The following RRM1 variants were observed in gnomAD, a reference collection of about 807,000 sequenced individuals.
RRM1 encodes ribonucleoside-diphosphate reductase large subunit.
Under a neutral mutation model 101.5 loss-of-function variants are expected in RRM1, and 19 were observed. The observed-to-expected ratio is 0.19, with a 90% CI of 0.13 to 0.27. The LOEUF (loss-of-function observed/expected upper bound fraction) is 0.27. Among genes scored for constraint, RRM1 ranks in the 10% least tolerant of loss-of-function variants. The pLI is 1.00. For synonymous variants in RRM1, 298 were observed against 323.4 expected, an observed-to-expected ratio of 0.92 and a Z score of 0.84; for missense variants, 500 against 962.9, an observed-to-expected ratio of 0.52 and a Z score of 6.36.
At chr11:4,118,541 A>AT in intron 8 of RRM1, 80 bp downstream of exon 8, 1 of 1,486,324 alleles carries the variant, frequency 6.7e-7, no homozygotes, top group Non-Finnish European at 9.2e-7. Context: ...GGCATATGCT[A>AT]TTTTTTGGGA....
chr11:4,112,135 A>G, intron 7 of RRM1, 73 bp downstream of exon 7: 1 of 1,191,194 alleles, frequency 8.4e-7, no homozygotes, highest in Non-Finnish European at 1.2e-6. Context: ...ATAAAAAATA[A>G]TTTAATGACC....
chr11:4,136,282 C>T (rs547860013), intron 18 of RRM1, among the ~76,000 whole-genome samples: 18 of 151,896 alleles, frequency 1.2e-4, no homozygotes, highest in African/African-American at 2.4e-4. Context: ...AGTACAGCGG[C>T]ATGATCTTGG....
chr11:4,096,202 A>T (rs748450934), intron 1 of RRM1, among the ~76,000 whole-genome samples: 1 of 152,124 alleles, frequency 6.6e-6, no homozygotes, highest in Non-Finnish European at 1.5e-5. Flanking sequence ...ATTTTTAAAA[A>T]TTTCTGGTAG....
At chr11:4,110,505 C>G (rs555472900) in intron 5 of RRM1, among the ~76,000 whole-genome samples, 1 of 152,162 alleles carries the variant, frequency 6.6e-6, no homozygotes, top group South Asian at 2.1e-4. Flanking sequence ...TGGTGGCTTA[C>G]GCCTGTAATC....
chr11:4,134,821 A>G (rs2133325433), intron 17 of RRM1, among the ~76,000 whole-genome samples: 1 of 152,308 alleles, frequency 6.6e-6, no homozygotes, highest in East Asian at 1.9e-4. Context: ...TAAAAAATTA[A>G]AAAATTGGTT....
intron 4 of RRM1, among the ~76,000 whole-genome samples, chr11:4,109,111 C>G (rs2133294331): frequency 6.6e-6 from 1 of 152,184 alleles, no homozygotes; most frequent in South Asian, 2.1e-4. Context: ...TGTTAAAGGA[C>G]TATAGATTTT....
In RRM1 at chr11:4,109,721, A is replaced by G; in HGVS notation, c.447+18A>G. On this transcript the variant is annotated intron_variant, in intron 5 of 18. Coordinates refer to ENST00000300738, the MANE Select transcript of RRM1 (RefSeq NM_001033.5). ...GCTTTAAGGTAAATAATGGGTTTCAAGTATGTGGGAATTTATACTTAAATC... is the reference window on the plus strand; with the variant it reads ...GCTTTAAGGTAAATAATGGGTTTCAGGTATGTGGGAATTTATACTTAAATC... The G allele has an allele frequency of 6.4e-7, 1 of 1,559,764 alleles. No homozygotes were observed. Among genetic ancestry groups the G allele is most frequent in the South Asian group, 1.2e-5 (1 of 85,630 alleles).
chr11:4,111,529 T>C, intron 5 of RRM1, 72 bp from the exon 6 acceptor site: 1 of 954,728 alleles, frequency 1.0e-6, no homozygotes. Context: ...GATTGCCTTA[T>C]TGTGGATGAT....
At chr11:4,095,554 A>T (rs1319608443) in intron 1 of RRM1, among the ~76,000 whole-genome samples, 1 of 152,182 alleles carries the variant, frequency 6.6e-6, no homozygotes, top group Non-Finnish European at 1.5e-5. Flanking sequence ...TTGTCAGTTT[A>T]CTGATCTCTT....
chr11:4,120,895 T>C (rs1007455473), intron 9 of RRM1, among the ~76,000 whole-genome samples: 1 of 152,130 alleles, frequency 6.6e-6, no homozygotes, highest in Non-Finnish European at 1.5e-5. Context: ...GGCGAACGCC[T>C]GTAGTTTCAG....
intron 1 of RRM1, among the ~76,000 whole-genome samples, chr11:4,099,142 AT>A (rs1380210625): frequency 6.6e-6 from 1 of 151,848 alleles, no homozygotes; most frequent in African/African-American, 2.4e-5. Context: ...GGATTTTTTA[AT>A]TTTATTTTTT....
intron 15 of RRM1, among the ~76,000 whole-genome samples, chr11:4,130,567 A>G (rs1056930941): frequency 1.3e-5 from 2 of 152,094 alleles, no homozygotes; most frequent in Admixed American, 1.3e-4. Flanking sequence ...GTGGTGGTGC[A>G]TGCCTGTAAT....
intron 5 of RRM1, among the ~76,000 whole-genome samples, chr11:4,110,684 G>A (rs1763897612): frequency 6.6e-6 from 1 of 150,402 alleles, no homozygotes; most frequent in African/African-American, 2.4e-5. Context: ...CAGGAGAACT[G>A]CTTATACTCA....
chr11:4,111,791 A>G (rs1004403537), intron 6 of RRM1, 109 bp from the exon 7 acceptor site: 6 of 1,244,188 alleles, frequency 4.8e-6, no homozygotes, highest in Admixed American at 4.9e-5. Flanking sequence ...GTTTATTAGT[A>G]TAAAGTTTTT....
At position 4,127,040 on chromosome 11, in the gene RRM1, C is replaced by T. The variant is rs149102888; in HGVS notation, c.1476C>T (p.Cys492=). The change falls in exon 14 of 19, where the codon TGC becomes TGT. Residue 492 remains cysteine, a synonymous_variant. Coordinates refer to ENST00000300738, the MANE Select transcript of RRM1 (RefSeq NM_001033.5). ...DINYYPVPEA[C]LSNKRHRPIG... ...TAAAATCTGTTGACACAAAGGCATG[C>T]CTATCAAATAAACGCCATCGCCCCA... The T allele has an allele frequency of 4.4e-6, 7 of 1,605,308 alleles. No individual in the cohort carries two copies. In the African/African-American group the frequency reaches 8.1e-5, roughly 19 times the overall value.
intron 1 of RRM1, 80 bp downstream of exon 1, chr11:4,095,111 C>A: frequency 6.9e-7 from 1 of 1,453,512 alleles, no homozygotes; most frequent in Non-Finnish European, 9.4e-7. Context: ...CCAGACCGCC[C>A]GCCCGCCTTC....
chr11:4,099,507 G>C (rs1367707004), intron 1 of RRM1: 1 of 152,008 alleles, frequency 6.6e-6, no homozygotes, highest in Non-Finnish European at 1.5e-5. Flanking sequence ...AGGTTTTATG[G>C]AGGTGTGAGA....
At chr11:4,099,295 A>ATTTTTTTTTTTTTTTTTTTTCTT (rs34579912) in intron 1 of RRM1, 1 of 76,974 alleles carries the variant, frequency 1.3e-5, no homozygotes, top group Non-Finnish European at 2.2e-5. Flanking sequence ...TACCCAGCTA[A>ATTTTTTTTTTTTTTTTTTTTCTT]TTTTTTTTTT....
chr11:4,110,919 A>T (rs1233214646), intron 5 of RRM1, among the ~76,000 whole-genome samples: 1 of 151,938 alleles, frequency 6.6e-6, no homozygotes, highest in East Asian at 1.9e-4. Context: ...GAGTGTAACG[A>T]GTGTATATGT....
Sources: gnomAD v4.1 joint callset for allele counts (sites outside exome capture counted in the v4.1 genomes callset) on GRCh38, gnomAD v4.1.1 for gene constraint, MANE v1.5 for transcripts, NCBI Gene and HGNC (gene_info 2026-07-23, HGNC 2026-07-21) for gene names.